The following TMEM117 variants were observed in gnomAD, a reference collection of about 807,000 sequenced individuals.
TMEM117 encodes the protein transmembrane protein 117.
TMEM117 carries 27 observed loss-of-function variants against 52.4 expected under a neutral mutation model. The ratio of observed to expected loss-of-function variants is 0.51; its 90% CI spans 0.38 to 0.71. The LOEUF is 0.71. Ranked by LOEUF, TMEM117 falls within the 30% of genes least tolerant of loss-of-function variation. The pLI is 0.00. For missense variants in TMEM117, 556 were observed against 630.5 expected, an observed-to-expected ratio of 0.88 and a Z score of 1.26; for synonymous variants, 215 against 206.3, an observed-to-expected ratio of 1.04 and a Z score of -0.36.
chr12:43,832,765 G>C (rs1942990012), upstream of TMEM117, among the ~76,000 whole-genome samples: 1 of 152,138 alleles, frequency 6.6e-6, no homozygotes, highest in Non-Finnish European at 1.5e-5. Flanking sequence ...TACCACTATG[G>C]CTACTTGTGA....
At chr12:44,383,519 C>T (rs539204746) in intron 7 of TMEM117, among the ~76,000 whole-genome samples, 1 of 152,234 alleles carries the variant, frequency 6.6e-6, no homozygotes, top group Admixed American at 6.5e-5. Flanking sequence ...CAACACCACG[C>T]AGTGATTTCT....
chr12:44,382,906 A>G (rs1952039588), intron 7 of TMEM117, among the ~76,000 whole-genome samples: 1 of 152,204 alleles, frequency 6.6e-6, no homozygotes, highest in South Asian at 2.1e-4. Flanking sequence ...CTAGGGAGAG[A>G]CATGAAGAGA....
chr12:44,312,637 T>C (rs76256050), intron 6 of TMEM117, among the ~76,000 whole-genome samples: 7,314 of 152,272 alleles, frequency 0.048, 362 homozygotes, highest in African/African-American at 0.12. Flanking sequence ...CCCAGTGATA[T>C]GATTGCTGAG....
intron 2 of TMEM117, among the ~76,000 whole-genome samples, chr12:43,909,686 C>G (rs1453499181): frequency 6.6e-6 from 1 of 152,000 alleles, no homozygotes; most frequent in Admixed American, 6.6e-5. Context: ...CACAGAAATG[C>G]AAACTACCAT....
At chr12:43,828,514 C>T in the TMEM117 span, among the ~76,000 whole-genome samples, 3,986 of 152,294 alleles carry the variant, frequency 0.026, 181 homozygotes, top group African/African-American at 0.09. Flanking sequence ...CCAGCCCTTC[C>T]GGTCCATGGG....
At chr12:44,390,737 G>A (rs565927158), downstream of TMEM117, among the ~76,000 whole-genome samples, 1 of 151,974 alleles carries the variant, frequency 6.6e-6, no homozygotes, top group African/African-American at 2.4e-5. Context: ...GCCTTCTAAG[G>A]CTTCCAACTG....
At chr12:44,189,754 TA>T (rs1169088070) in intron 4 of TMEM117, among the ~76,000 whole-genome samples, 1 of 152,188 alleles carries the variant, frequency 6.6e-6, no homozygotes, top group Non-Finnish European at 1.5e-5. Context: ...AGAAGTCCTG[TA>T]AAATCAACTT....
chr12:44,369,678 A>T (rs1309050785), intron 6 of TMEM117, among the ~76,000 whole-genome samples: 1 of 152,234 alleles, frequency 6.6e-6, no homozygotes, highest in Non-Finnish European at 1.5e-5. Context: ...GTTTTTAACA[A>T]CATTTCAAAT....
At chr12:44,386,081 GT>G (rs565201014) in intron 7 of TMEM117, among the ~76,000 whole-genome samples, 2 of 152,002 alleles carry the variant, frequency 1.3e-5, no homozygotes, top group Non-Finnish European at 1.5e-5. Flanking sequence ...GTATCCTTCA[GT>G]TTTTTTCCAT....
intron 4 of TMEM117, among the ~76,000 whole-genome samples, chr12:44,190,598 C>T (rs1346031105): frequency 2.0e-5 from 3 of 152,096 alleles, no homozygotes; most frequent in African/African-American, 7.2e-5. Context: ...GTTAAACACA[C>T]TTCTGAGATT....
chr12:44,143,955 TACAA>T (rs1948606246), intron 4 of TMEM117, among the ~76,000 whole-genome samples: 1 of 152,202 alleles, frequency 6.6e-6, no homozygotes, highest in Admixed American at 6.5e-5. Flanking sequence ...CCTGTGAAGT[TACAA>T]ATAATTTTGT....
intron 5 of TMEM117, among the ~76,000 whole-genome samples, chr12:44,254,543 A>G (rs970561468): frequency 6.6e-6 from 1 of 152,050 alleles, no homozygotes; most frequent in Non-Finnish European, 1.5e-5. Context: ...ATTTGAATCA[A>G]CCTTTCAAAA....
At chr12:44,131,871 A>T (rs1948418871) in intron 3 of TMEM117, among the ~76,000 whole-genome samples, 1 of 152,134 alleles carries the variant, frequency 6.6e-6, no homozygotes, top group Admixed American at 6.6e-5. Flanking sequence ...TTGAATTTTT[A>T]CTTTGCAGGT....
the TMEM117 span, among the ~76,000 whole-genome samples, chr12:43,815,658 G>A: frequency 3.3e-5 from 5 of 152,244 alleles, no homozygotes; most frequent in Admixed American, 2.6e-4. Context: ...AACAGTAACA[G>A]GCTGTAAAAA....
chr12:43,871,612 A>G (rs1414444388), intron 2 of TMEM117, among the ~76,000 whole-genome samples: 1 of 152,238 alleles, frequency 6.6e-6, no homozygotes, highest in Non-Finnish European at 1.5e-5. Context: ...TGTCTCCACA[A>G]CAGTGACTAG....
intron 3 of TMEM117, among the ~76,000 whole-genome samples, chr12:44,001,533 T>G (rs1946116667): frequency 6.6e-6 from 1 of 152,234 alleles, no homozygotes; most frequent in South Asian, 2.1e-4. Flanking sequence ...AAGAGGACAC[T>G]ATGAAGTGAG....
intron 4 of TMEM117, among the ~76,000 whole-genome samples, chr12:44,180,160 T>A (rs533617034): frequency 1.3e-5 from 2 of 152,186 alleles, no homozygotes; most frequent in South Asian, 2.1e-4. Flanking sequence ...GTTCCCAGTG[T>A]TAACAGTTGG....
intron 6 of TMEM117, among the ~76,000 whole-genome samples, chr12:44,324,027 T>A (rs957593984): frequency 1.3e-5 from 2 of 152,138 alleles, no homozygotes; most frequent in South Asian, 4.1e-4. Context: ...TCACCTCATT[T>A]TGACATCATT....
At chr12:44,129,682 T>A (rs1289247534) in intron 3 of TMEM117, among the ~76,000 whole-genome samples, 1 of 152,198 alleles carries the variant, frequency 6.6e-6, no homozygotes, top group African/African-American at 2.4e-5. Context: ...GCATTATGTA[T>A]GTAAAAATGG....
Sources: allele counts gnomAD v4.1 joint callset (sites outside exome capture counted in the v4.1 genomes callset), GRCh38; gene constraint gnomAD v4.1.1; transcripts MANE v1.5; gene names NCBI Gene and HGNC (gene_info 2026-07-23, HGNC 2026-07-21).